The following PDE10A variants were observed in gnomAD, a reference collection of about 807,000 sequenced individuals.
PDE10A encodes the protein phosphodiesterase 10A.
PDE10A carries 39 observed loss-of-function variants against 97.7 expected under a neutral mutation model. The observed-to-expected ratio is 0.40, with a 90% CI of 0.31 to 0.52. PDE10A has a LOEUF of 0.52. Ranked by LOEUF, PDE10A falls within the 20% of genes least tolerant of loss-of-function variation. The pLI is 0.56. For missense variants in PDE10A, 731 were observed against 1,047.8 expected (o/e 0.70, Z 4.17); for synonymous variants, 371 against 376.8 (o/e 0.98, Z 0.18).
chr6:165,359,282 T>C (rs1010758357), intron 18 of PDE10A, among the ~76,000 whole-genome samples: 2 of 152,182 alleles, frequency 1.3e-5, no homozygotes, highest in African/African-American at 4.8e-5. Context: ...ATGTTATTCC[T>C]GTCTGCTGAC....
intron 10 of PDE10A, among the ~76,000 whole-genome samples, chr6:165,422,055 C>A (rs990984444): frequency 6.6e-6 from 1 of 152,116 alleles, no homozygotes; most frequent in African/African-American, 2.4e-5. Context: ...CAGTGCCAGA[C>A]CCTGTCTAAA....
intron 2 of PDE10A, among the ~76,000 whole-genome samples, chr6:165,527,368 T>C (rs1252450896): frequency 1.3e-5 from 2 of 152,156 alleles, no homozygotes; most frequent in Non-Finnish European, 2.9e-5. Context: ...GCTCTGCCAC[T>C]TGGACTATAT....
chr6:165,594,933 A>C (rs1285942714), intron 1 of PDE10A, among the ~76,000 whole-genome samples: 1 of 152,256 alleles, frequency 6.6e-6, no homozygotes, highest in Non-Finnish European at 1.5e-5. Flanking sequence ...GTGGTGAACA[A>C]GATCAGATCA....
At chr6:165,887,942 C>A (rs1430351997) in intron 1 of PDE10A, among the ~76,000 whole-genome samples, 1 of 152,192 alleles carries the variant, frequency 6.6e-6, no homozygotes, top group African/African-American at 2.4e-5. Context: ...CCTGATCTGC[C>A]TCCTCTTTGC....
At chr6:165,400,406 C>T (rs1389832377) in intron 13 of PDE10A, among the ~76,000 whole-genome samples, 2 of 151,986 alleles carry the variant, frequency 1.3e-5, no homozygotes, top group Non-Finnish European at 1.5e-5. Context: ...AAAGACAAGC[C>T]AAAGACTGCG....
At chr6:165,348,340 A>G (rs1303835600) in intron 18 of PDE10A, among the ~76,000 whole-genome samples, 1 of 150,598 alleles carries the variant, frequency 6.6e-6, no homozygotes, top group Non-Finnish European at 1.5e-5. Flanking sequence ...CTTTTATCTG[A>G]TATCATAGCT....
intron 1 of PDE10A, among the ~76,000 whole-genome samples, chr6:165,844,938 G>A (rs1283128055): frequency 1.3e-5 from 2 of 152,106 alleles, no homozygotes; most frequent in Non-Finnish European, 2.9e-5. Flanking sequence ...ATTAACCCTT[G>A]GACACACTTT....
chr6:165,719,525 A>C (rs1792111738), intron 1 of PDE10A, among the ~76,000 whole-genome samples: 1 of 152,230 alleles, frequency 6.6e-6, no homozygotes, highest in Admixed American at 6.5e-5. Context: ...ATAGATTTTC[A>C]ATCTAGTCTT....
rs576280797 is a variant in PDE10A, at chr6:165,981,148, T to C, written c.-615+6381A>G. Among the ~76,000 whole-genome samples, 21 of 152,268 alleles carry C rather than the reference T, an allele frequency of 1.4e-4. No homozygotes were observed. In the South Asian group the frequency reaches 4.4e-3, roughly 32 times the overall value. ...AGGTAAATATAGGCCATTTACAACA[T>C]AAAGAAGAGTCCCTGCTGTACTCTA... On this transcript the variant is annotated intron_variant, in intron 1 of 19. Transcript: ENST00000366882.
intron 3 of PDE10A, among the ~76,000 whole-genome samples, chr6:165,454,445 C>A (rs972133517): frequency 7.9e-5 from 12 of 152,132 alleles, no homozygotes; most frequent in Admixed American, 6.5e-4. Context: ...CGCAACAGTA[C>A]GGAGAGGTGG....
At chr6:165,824,621 G>A (rs952663586) in intron 1 of PDE10A, among the ~76,000 whole-genome samples, 1 of 152,138 alleles carries the variant, frequency 6.6e-6, no homozygotes, top group Non-Finnish European at 1.5e-5. Flanking sequence ...ATTTGTGTTT[G>A]CAGGTGACAA....
At chr6:165,336,637 T>A (rs1212927817) in intron 20 of PDE10A, among the ~76,000 whole-genome samples, 1 of 151,562 alleles carries the variant, frequency 6.6e-6, no homozygotes, top group Non-Finnish European at 1.5e-5. Flanking sequence ...TAGTCCCAGC[T>A]ACTCGGGAGG....
intron 1 of PDE10A, among the ~76,000 whole-genome samples, chr6:165,981,849 G>T (rs201553302): frequency 7.6e-6 from 1 of 131,414 alleles, no homozygotes; most frequent in African/African-American, 2.8e-5. Flanking sequence ...AGATATTTTT[G>T]TAAGCTATTT....
chr6:165,493,165 A>G (rs1336323060), intron 2 of PDE10A, among the ~76,000 whole-genome samples: 2 of 152,130 alleles, frequency 1.3e-5, no homozygotes, highest in Non-Finnish European at 2.9e-5. Flanking sequence ...ACTAGAAAAC[A>G]CTGCTGAAAG....
At chr6:165,570,261 A>T (rs1222664789) in intron 1 of PDE10A, among the ~76,000 whole-genome samples, 2 of 152,212 alleles carry the variant, frequency 1.3e-5, no homozygotes, top group Non-Finnish European at 2.9e-5. Context: ...AACTGGACAA[A>T]TATTGTGTCA....
chr6:165,761,758 TAAA>T (rs1329604263), intron 1 of PDE10A, among the ~76,000 whole-genome samples: 2 of 152,034 alleles, frequency 1.3e-5, no homozygotes, highest in Non-Finnish European at 2.9e-5. Flanking sequence ...AATATTATGT[TAAA>T]AGAAATATCA....
chr6:165,365,259 A>G (rs1358166133), intron 18 of PDE10A, among the ~76,000 whole-genome samples: 1 of 152,198 alleles, frequency 6.6e-6, no homozygotes, highest in African/African-American at 2.4e-5. Context: ...CTGTGCATAC[A>G]TTTTTTATGA....
rs546806189 is a variant in PDE10A, at chr6:165,825,428, G to C, written c.-615+162101C>G. On this transcript the variant is annotated intron_variant, in intron 1 of 19. Transcript: ENST00000366882. ...ATGCTAGCAGGCCTCAAGCTGTGTG[G>C]TCCCCAAACTCCAATTTAGATCCCT... Among the ~76,000 whole-genome samples the C allele has an allele frequency of 6.6e-5, 10 of 152,280 alleles. No individual in the cohort carries two copies. In the South Asian group the frequency reaches 2.1e-3, roughly 32 times the overall value.
chr6:165,797,695 AAAATTTAGG>A (rs1314429912), intron 1 of PDE10A, among the ~76,000 whole-genome samples: 1 of 152,240 alleles, frequency 6.6e-6, no homozygotes, highest in Non-Finnish European at 1.5e-5. Flanking sequence ...CTATAGCCTG[AAAATTTAGG>A]AAATGATGAA....
Sources: allele counts gnomAD v4.1 joint callset (sites outside exome capture counted in the v4.1 genomes callset), GRCh38; gene constraint gnomAD v4.1.1; transcripts MANE v1.5; gene names NCBI Gene and HGNC (gene_info 2026-07-23, HGNC 2026-07-21).